The following SYN3 variants were observed in gnomAD, a reference collection of about 807,000 sequenced individuals.
SYN3 encodes synapsin-3.
SYN3 carries 35 observed loss-of-function variants against 65.8 expected under a neutral mutation model. That is an observed-to-expected ratio of 0.53 (90% confidence interval 0.41 to 0.70). The LOEUF (loss-of-function observed/expected upper bound fraction) is 0.70, where lower values mean the gene tolerates loss of function less well. Ranked by LOEUF, SYN3 falls within the 30% of genes least tolerant of loss-of-function variation. The pLI is 0.00. For synonymous variants in SYN3, 270 were observed against 292.9 expected (o/e 0.92, Z 0.80); for missense variants, 680 against 749.0 (o/e 0.91, Z 1.08).
intron 1 of SYN3, among the ~76,000 whole-genome samples, chr22:33,042,578 G>A (rs1008192892): frequency 3.3e-5 from 5 of 152,150 alleles, no homozygotes; most frequent in African/African-American, 1.2e-4. Context: ...GCCCTTTCTC[G>A]TAACAGCAAA....
intron 5 of SYN3, among the ~76,000 whole-genome samples, chr22:32,867,442 T>C (rs2048715371): frequency 6.6e-6 from 1 of 152,222 alleles, no homozygotes; most frequent in African/African-American, 2.4e-5. Context: ...AAGAAGTATT[T>C]GCTACATGAA....
At chr22:32,797,094 C>T (rs942734422) in intron 6 of SYN3, among the ~76,000 whole-genome samples, 3 of 152,120 alleles carry the variant, frequency 2.0e-5, no homozygotes, top group Non-Finnish European at 1.5e-5. Context: ...GAATTGTGCT[C>T]TCCCGCCCTC....
intron 1 of SYN3, among the ~76,000 whole-genome samples, chr22:33,015,851 T>C (rs1444928246): frequency 6.6e-6 from 1 of 150,654 alleles, no homozygotes; most frequent in Non-Finnish European, 1.5e-5. Flanking sequence ...TTTTCTTTTT[T>C]TTTTTTTTTA....
At chr22:32,986,572 C>T (rs1193102982) in intron 2 of SYN3, among the ~76,000 whole-genome samples, 1 of 152,148 alleles carries the variant, frequency 6.6e-6, no homozygotes, top group Non-Finnish European at 1.5e-5. Context: ...AGGCTTCAGC[C>T]GCCTCTGAAC....
intron 6 of SYN3, among the ~76,000 whole-genome samples, chr22:32,717,530 G>T (rs2061055346): frequency 6.6e-6 from 1 of 152,168 alleles, no homozygotes; most frequent in Admixed American, 6.5e-5. Context: ...GGGGGACCAG[G>T]TCTGGCAGTC....
chr22:33,022,576 C>T (rs1452892011), intron 1 of SYN3, among the ~76,000 whole-genome samples: 1 of 152,174 alleles, frequency 6.6e-6, no homozygotes, highest in Non-Finnish European at 1.5e-5. Context: ...CATCATTGTT[C>T]TCGTGAGTGG....
chr22:32,630,863 C>T (rs1037173676), intron 6 of SYN3, among the ~76,000 whole-genome samples: 2 of 152,222 alleles, frequency 1.3e-5, no homozygotes, highest in East Asian at 1.9e-4. Context: ...AAGCCAAATA[C>T]AGGTGTTTGA....
chr22:32,633,242 A>G (rs994029211), intron 6 of SYN3, among the ~76,000 whole-genome samples: 2 of 152,230 alleles, frequency 1.3e-5, no homozygotes, highest in Admixed American at 1.3e-4. Context: ...CTGACTTGTC[A>G]CACCCATCAC....
At chr22:32,566,804 A>G (rs2058677617) in intron 7 of SYN3, among the ~76,000 whole-genome samples, 1 of 152,192 alleles carries the variant, frequency 6.6e-6, no homozygotes, top group Non-Finnish European at 1.5e-5. Flanking sequence ...TGAGACTTGA[A>G]CATTCTTTAG....
intron 6 of SYN3, among the ~76,000 whole-genome samples, chr22:32,799,966 C>A (rs1482906514): frequency 1.3e-5 from 2 of 152,108 alleles, no homozygotes; most frequent in Non-Finnish European, 2.9e-5. Context: ...ACGAGTTAGG[C>A]CACAGTTAGA....
chr22:33,020,414 T>C (rs1488309623), intron 1 of SYN3, among the ~76,000 whole-genome samples: 2 of 152,126 alleles, frequency 1.3e-5, no homozygotes, highest in African/African-American at 2.4e-5. Context: ...AGATGGGGTA[T>C]TTAAGAATAA....
At chr22:33,041,594 G>A (rs1001794806) in intron 1 of SYN3, among the ~76,000 whole-genome samples, 7 of 151,978 alleles carry the variant, frequency 4.6e-5, no homozygotes, top group East Asian at 1.9e-4. Context: ...CACCATGCCC[G>A]GCCTGCACTA....
chr22:32,603,763 A>G (rs184916322), intron 6 of SYN3, among the ~76,000 whole-genome samples: 1 of 152,244 alleles, frequency 6.6e-6, no homozygotes, highest in Non-Finnish European at 1.5e-5. Flanking sequence ...TCCCTTCCCA[A>G]CAATAGCTTT....
At chr22:32,614,771 C>T (rs2858226) in intron 6 of SYN3, among the ~76,000 whole-genome samples, 83,556 of 152,048 alleles carry the variant, frequency 0.55, 25,542 homozygotes, top group African/African-American at 0.81. Context: ...GAGGTTCAAG[C>T]TTGTCAAATG....
At chr22:32,755,571 T>G (rs1433818916) in intron 6 of SYN3, among the ~76,000 whole-genome samples, 1 of 152,202 alleles carries the variant, frequency 6.6e-6, no homozygotes, top group East Asian at 1.9e-4. Context: ...TCCATTAGTT[T>G]ATCTACTCTA....
intron 6 of SYN3, among the ~76,000 whole-genome samples, chr22:32,755,834 A>AT (rs929786562): frequency 2.0e-5 from 3 of 152,098 alleles, no homozygotes; most frequent in African/African-American, 7.2e-5. Flanking sequence ...TACGTACACA[A>AT]TTTTTTTTAA....
chr22:32,775,771 G>A (rs1471262110), intron 6 of SYN3, among the ~76,000 whole-genome samples: 1 of 152,148 alleles, frequency 6.6e-6, no homozygotes, highest in Non-Finnish European at 1.5e-5. Flanking sequence ...AAAACAGGAT[G>A]ATTAACAATC....
intron 6 of SYN3, among the ~76,000 whole-genome samples, chr22:32,716,691 C>T (rs976122963): frequency 7.9e-5 from 11 of 138,798 alleles, no homozygotes; most frequent in Admixed American, 2.9e-4. Flanking sequence ...ACACCATACC[C>T]GGCTAATTTT....
At chr22:32,993,131 T>C (rs887237199) in intron 2 of SYN3, among the ~76,000 whole-genome samples, 7 of 152,062 alleles carry the variant, frequency 4.6e-5, no homozygotes, top group African/African-American at 1.7e-4. Flanking sequence ...AGACTGTTCC[T>C]GCCACCTAGA....
Sources: gnomAD v4.1 joint callset for allele counts (sites outside exome capture counted in the v4.1 genomes callset) on GRCh38, gnomAD v4.1.1 for gene constraint, MANE v1.5 for transcripts, NCBI Gene and HGNC (gene_info 2026-07-23, HGNC 2026-07-21) for gene names.